Variants in PLCH2 observed in about 807,000 individuals in gnomAD.
PLCH2 encodes 1-phosphatidylinositol 4,5-bisphosphate phosphodiesterase eta-2.
In PLCH2, 98 loss-of-function variants were observed where a neutral mutation model predicts 134.7. The ratio of observed to expected loss-of-function variants is 0.73; its 90% CI spans 0.62 to 0.86. The LOEUF is 0.86. Among genes scored for constraint, PLCH2 ranks in the 40% least tolerant of loss-of-function variants. PLCH2 has a pLI of 0.00. For synonymous variants in PLCH2, 974 were observed against 827.5 expected (o/e 1.18, Z -3.04); for missense variants, 1,994 against 1,986.6 (o/e 1.00, Z -0.07).
Position 2,496,849 on chromosome 1 carries a change from C to T in PLCH2, c.1955C>T (p.Ser652Leu), listed in dbSNP as rs375510403. The change falls in exon 15 of 22, where the codon TCG (serine) becomes TTG (leucine). Residue 652 changes from serine (S) to leucine (L), a missense_variant. Ser to Leu is a moderately radical substitution (Grantham distance 145). Around this residue, in one of 2 missense-constraint regions of PLCH2, gnomAD observed 1,094 missense variants for 1,234.3 expected, o/e 0.89. Transcript: ENST00000378486. ...EMEAASSWQV[S>L]SFSETKAHQI... ...ACAGCGGCGTCCAGCTGGCAGGTGT[C>T]GTCCTTCAGCGAGACCAAGGCCCAC... 16 of 1,612,274 alleles carry T rather than the reference C, an allele frequency of 9.9e-6. No individual in the cohort carries two copies. Among genetic ancestry groups the T allele is most frequent in the East Asian group, 2.2e-5 (1 of 44,888 alleles).
At chr1:2,443,350 G>T (rs1461289634) in intron 2 of PLCH2, among the ~76,000 whole-genome samples, 1 of 152,218 alleles carries the variant, frequency 6.6e-6, no homozygotes, top group Non-Finnish European at 1.5e-5. Context: ...AAACGCCAGG[G>T]TGTTGGGAGT....
chr1:2,489,010 A>C (rs1265886758), intron 8 of PLCH2, among the ~76,000 whole-genome samples, 197 bp from the exon 9 acceptor site: 1 of 152,048 alleles, frequency 6.6e-6, no homozygotes, highest in Non-Finnish European at 1.5e-5. Flanking sequence ...CTCCTTTCCC[A>C]TCCACTCTGT....
intron 2 of PLCH2, chr1:2,478,948 A>C: frequency 8.9e-6 from 3 of 336,784 alleles, no homozygotes; most frequent in Non-Finnish European, 1.1e-5. Flanking sequence ...ATAAACAGAA[A>C]CGACCCCCAC....
upstream of PLCH2, among the ~76,000 whole-genome samples, chr1:2,424,754 A>C (rs187136350): frequency 6.6e-6 from 1 of 152,152 alleles, no homozygotes; most frequent in Non-Finnish European, 1.5e-5. Context: ...TTGGGAGGCC[A>C]AGGCGGGCGG....
chr1:2,473,786 G>A (rs1202299791), upstream of PLCH2, among the ~76,000 whole-genome samples: 1 of 152,230 alleles, frequency 6.6e-6, no homozygotes, highest in Non-Finnish European at 1.5e-5. Context: ...TGGGGGAGCA[G>A]CAGGTGAGCC....
chr1:2,467,940 C>T (rs1641145085), intron 1 of PLCH2, among the ~76,000 whole-genome samples: 1 of 152,222 alleles, frequency 6.6e-6, no homozygotes, highest in African/African-American at 2.4e-5. Flanking sequence ...TGTGCTGACA[C>T]GTGAAAGCGA....
upstream of PLCH2, among the ~76,000 whole-genome samples, chr1:2,422,113 A>G (rs1638547478): frequency 6.6e-6 from 1 of 152,104 alleles, no homozygotes; most frequent in Non-Finnish European, 1.5e-5. Flanking sequence ...TACTAAAAAT[A>G]CAAAAATTAG....
upstream of PLCH2, among the ~76,000 whole-genome samples, chr1:2,473,642 G>A (rs571062923): frequency 5.9e-5 from 9 of 152,346 alleles, no homozygotes; most frequent in South Asian, 2.1e-4. Flanking sequence ...TCCAGCCAGC[G>A]CCTGCTACGT....
At chr1:2,490,699 C>A (rs1423377191) in intron 10 of PLCH2, among the ~76,000 whole-genome samples, 1 of 152,236 alleles carries the variant, frequency 6.6e-6, no homozygotes, top group Non-Finnish European at 1.5e-5. Context: ...AAAGGCAGCT[C>A]CACGGTGCTC....
chr1:2,464,989 A>G (rs1640989003), upstream of PLCH2, among the ~76,000 whole-genome samples: 2 of 152,140 alleles, frequency 1.3e-5, no homozygotes, highest in African/African-American at 4.8e-5. Context: ...CTGAAGCCCA[A>G]GAGGGCAGGG....
intron 3 of PLCH2, 22 bp downstream of exon 3, chr1:2,479,999 G>A (rs1380951899): frequency 3.8e-6 from 6 of 1,598,510 alleles, no homozygotes; most frequent in Admixed American, 1.7e-5. Context: ...CACCTATCGG[G>A]CAATGCAGAC....
chr1:2,438,588 C>G (rs971853783), intron 2 of PLCH2, among the ~76,000 whole-genome samples: 2 of 152,210 alleles, frequency 1.3e-5, no homozygotes, highest in African/African-American at 4.8e-5. Flanking sequence ...GGGGAGGGGG[C>G]TGGTGCTTCT....
chr1:2,494,975 C>A (rs1642799880), intron 12 of PLCH2, 27 bp downstream of exon 12: 2 of 1,515,760 alleles, frequency 1.3e-6, no homozygotes, highest in East Asian at 4.7e-5. Flanking sequence ...AGGCCAGGGT[C>A]CCGGTCTGGG....
At chr1:2,503,231 G>A (rs1390046867) in intron 21 of PLCH2, 8 of 564,358 alleles carry the variant, frequency 1.4e-5, no homozygotes, top group East Asian at 6.2e-5. Flanking sequence ...CCGGCTGGGC[G>A]CTTCCCCAAA....
At position 2,496,822 on chromosome 1, in the gene PLCH2, C is replaced by T. The variant is rs377377940; in HGVS notation, c.1934-6C>T. ...GCAGTCTGATGCCCGGTCACCGGCG[C>T]CACAGCGGCGTCCAGCTGGCAGGTG... On this transcript the variant is annotated splice_polypyrimidine_tract_variant and splice_region_variant and intron_variant, in intron 14 of 21. Coordinates refer to ENST00000378486, the MANE Select transcript of PLCH2 (RefSeq NM_014638.4). 1 of 1,611,502 alleles carries T rather than the reference C, an allele frequency of 6.2e-7. No homozygotes were observed. Among genetic ancestry groups the T allele is most frequent in the Non-Finnish European group, 8.5e-7 (1 of 1,178,744 alleles).
At chr1:2,497,075 C>T (rs1035253447) in intron 15 of PLCH2, 65 bp downstream of exon 15, 1 of 1,515,038 alleles carries the variant, frequency 6.6e-7, no homozygotes, top group Non-Finnish European at 9.0e-7. Flanking sequence ...CCCTGAAGCC[C>T]AAGGGGCGAG....
chr1:2,499,158 G>T lies in PLCH2; in HGVS notation c.2509G>T (p.Val837Phe), dbSNP rs768884241. 1 of 1,613,170 alleles carries T rather than the reference G, an allele frequency of 6.2e-7. No individual in the cohort carries two copies. The highest frequency in any genetic ancestry group is 8.5e-7 in the Non-Finnish European group (1 of 1,179,772). Residue 837 changes from valine (V) to phenylalanine (F), a missense_variant, in exon 19 of 22, where the codon GTC becomes TTC. Coordinates refer to ENST00000378486, the MANE Select transcript of PLCH2 (RefSeq NM_014638.4). ...MPEIALVRFL[V>F]WDHDPIGRDF... ...GGAGATCGCGCTGGTCCGCTTCCTC[G>T]TCTGGGACCACGATCCCATCGGGCG...
chr1:2,431,288 G>A (rs780904875), intron 2 of PLCH2, among the ~76,000 whole-genome samples: 1 of 152,098 alleles, frequency 6.6e-6, no homozygotes, highest in Non-Finnish European at 1.5e-5. Context: ...GCCTGCACTC[G>A]TGAGGGTCTG....
chr1:2,428,424 G>A (rs1023520241), intron 1 of PLCH2, among the ~76,000 whole-genome samples: 3 of 152,266 alleles, frequency 2.0e-5, no homozygotes, highest in Non-Finnish European at 2.9e-5. Flanking sequence ...CTGGGACCAC[G>A]GTGGCTCTCA....
Sources: gnomAD v4.1 joint callset for allele counts (sites outside exome capture counted in the v4.1 genomes callset) on GRCh38, gnomAD v4.1.1 for gene constraint, gnomAD v4.1.1 regional missense constraint, MANE v1.5 for transcripts, NCBI Gene and HGNC (gene_info 2026-07-23, HGNC 2026-07-21) for gene names.